The following LRRIQ3 variants were observed in gnomAD, a reference collection of about 807,000 sequenced individuals.
LRRIQ3 encodes leucine-rich repeat and IQ domain-containing protein 3.
Under a neutral mutation model 59.3 loss-of-function variants are expected in LRRIQ3, and 75 were observed. The observed-to-expected ratio is 1.26, with a 90% CI of 1.05 to 1.53. The LOEUF is 1.53. Among genes scored for constraint, LRRIQ3 ranks in the 40% most tolerant of loss-of-function variants. LRRIQ3 has a pLI of 0.00. For synonymous variants in LRRIQ3, 250 were observed against 231.3 expected (o/e 1.08, Z -0.73); for missense variants, 831 against 710.0 (o/e 1.17, Z -1.94).
chr1:74,112,067 T>C (rs913557336), intron 4 of LRRIQ3, among the ~76,000 whole-genome samples: 3 of 152,056 alleles, frequency 2.0e-5, no homozygotes, highest in Non-Finnish European at 2.9e-5. Context: ...ACTTGTAAGA[T>C]AGCGATTCTG....
intron 3 of LRRIQ3, among the ~76,000 whole-genome samples, chr1:74,158,628 G>A (rs144754495): frequency 8.1e-4 from 123 of 152,060 alleles, no homozygotes; most frequent in African/African-American, 2.8e-3. Context: ...TGTCACTCTC[G>A]ACAATGTTGA....
At chr1:74,123,399 A>G (rs1345866878) in intron 4 of LRRIQ3, among the ~76,000 whole-genome samples, 1 of 151,976 alleles carries the variant, frequency 6.6e-6, no homozygotes, top group Admixed American at 6.6e-5. Context: ...GATCTTATTC[A>G]TTACATCTAA....
intron 4 of LRRIQ3, among the ~76,000 whole-genome samples, chr1:74,135,571 T>C (rs1178272365): frequency 6.6e-6 from 1 of 151,748 alleles, no homozygotes; most frequent in East Asian, 1.9e-4. Context: ...TAAAATTAAA[T>C]AAGAAATCAA....
intron 4 of LRRIQ3, among the ~76,000 whole-genome samples, chr1:74,123,900 G>T (rs1284805623): frequency 2.0e-5 from 3 of 151,924 alleles, no homozygotes; most frequent in Admixed American, 6.6e-5. Flanking sequence ...CATAGTGGTT[G>T]TCCTAATCTA....
At chr1:74,131,260 G>T in intron 4 of LRRIQ3, among the ~76,000 whole-genome samples, 1 of 152,084 alleles carries the variant, frequency 6.6e-6, no homozygotes, top group East Asian at 1.9e-4. Context: ...AAAAGTCCAG[G>T]ACCAGACAGA....
intron 4 of LRRIQ3, among the ~76,000 whole-genome samples, chr1:74,133,385 T>C (rs1647060271): frequency 6.6e-6 from 1 of 152,168 alleles, no homozygotes; most frequent in South Asian, 2.1e-4. Context: ...GGATTATAAA[T>C]CATGCTGCTA....
rs75172297 is a variant in LRRIQ3 at position 74,190,137 on chromosome 1, T to C, written c.1-6453A>G. ...ATAGGGTAAACTGCTGACCACAAAA[T>C]TGGAGCAACAGACAGGCAGTACAGA... On this transcript the variant is annotated intron_variant, in intron 1 of 7. Transcript: ENST00000354431. 7.2e-3 allele frequency among the ~76,000 whole-genome samples: 1,093 copies of C among 151,942 alleles called. 14 individuals are homozygous for C. Among genetic ancestry groups the C allele is most frequent in the African/African-American group, 0.025 (1,041 of 41,412 alleles).
In LRRIQ3 at chr1:74,154,279, A is replaced by AG. The variant is rs1648187710; in HGVS notation, c.707+1453_707+1454insC. 8.7e-4 allele frequency among the ~76,000 whole-genome samples: 115 copies of AG among 132,480 alleles called. 4 individuals carry two copies. Among genetic ancestry groups the AG allele is most frequent in the African/African-American group, 3.1e-3 (107 of 34,734 alleles). 86.9% of individuals were successfully genotyped at this position (132,480 alleles called of 152,430 possible). A position where few individuals can be genotyped will look rare whatever the true frequency, so the allele number is the denominator to read the frequency against. On this transcript the variant is annotated intron_variant, in intron 4 of 7. Coordinates refer to ENST00000354431, the MANE Select transcript of LRRIQ3 (RefSeq NM_001105659.2). ...AAAAAAAAAAAAAAAAAAAAAAAAA[A>AG]TGTAATATCTACTTTTGTCAGGTGC...
intron 3 of LRRIQ3, among the ~76,000 whole-genome samples, chr1:74,174,831 T>G (rs1365509853): frequency 6.6e-6 from 1 of 152,198 alleles, no homozygotes; most frequent in East Asian, 1.9e-4. Flanking sequence ...TCACTAAGAT[T>G]CTTTCAGAAT....
intron 5 of LRRIQ3, among the ~76,000 whole-genome samples, chr1:74,106,342 G>C (rs1349491802): frequency 6.6e-6 from 1 of 151,916 alleles, no homozygotes. Context: ...GCACAAGGAA[G>C]CTTCCGATGT....
At chr1:74,110,783 A>C in intron 4 of LRRIQ3, among the ~76,000 whole-genome samples, 1 of 152,030 alleles carries the variant, frequency 6.6e-6, no homozygotes, top group East Asian at 1.9e-4. Flanking sequence ...AGTTAAGGTA[A>C]AATATACTAA....
chr1:74,172,964 G>GTT (rs1649418633), intron 3 of LRRIQ3, among the ~76,000 whole-genome samples: 2 of 151,932 alleles, frequency 1.3e-5, no homozygotes, highest in African/African-American at 4.8e-5. Context: ...TAAATCCAAG[G>GTT]AAAATCTCTT....
intron 5 of LRRIQ3, among the ~76,000 whole-genome samples, chr1:74,105,438 G>A (rs963516494): frequency 2.6e-5 from 4 of 151,802 alleles, no homozygotes; most frequent in Admixed American, 6.6e-5. Flanking sequence ...TTTTAGTAGA[G>A]ATGGGGGTCT....
At chr1:74,186,738 C>A (rs1389518324) in intron 1 of LRRIQ3, among the ~76,000 whole-genome samples, 1 of 151,594 alleles carries the variant, frequency 6.6e-6, no homozygotes, top group East Asian at 1.9e-4. Context: ...AATTCAATGC[C>A]TTTTTTTTCC....
intron 4 of LRRIQ3, among the ~76,000 whole-genome samples, chr1:74,136,101 T>C (rs1446721369): frequency 6.6e-6 from 1 of 151,722 alleles, no homozygotes; most frequent in East Asian, 1.9e-4. Flanking sequence ...ATATGAGAAA[T>C]AGTATTATGC....
At chr1:74,176,567 C>T (rs1405328005) in intron 3 of LRRIQ3, among the ~76,000 whole-genome samples, 6 of 152,102 alleles carry the variant, frequency 3.9e-5, no homozygotes, top group South Asian at 2.1e-4. Flanking sequence ...TCTGTTTTCT[C>T]GAGACTCTGA....
intron 6 of LRRIQ3, among the ~76,000 whole-genome samples, chr1:74,046,661 A>G (rs1393740202): frequency 1.3e-5 from 2 of 152,202 alleles, no homozygotes; most frequent in Non-Finnish European, 2.9e-5. Context: ...GTGAACAGGC[A>G]ACCTATAGAA....
At chr1:74,127,326 G>T (rs1436917296) in intron 4 of LRRIQ3, among the ~76,000 whole-genome samples, 1 of 151,830 alleles carries the variant, frequency 6.6e-6, no homozygotes, top group Non-Finnish European at 1.5e-5. Context: ...GATTGGAGAG[G>T]TTAGTCTATT....
intron 5 of LRRIQ3, among the ~76,000 whole-genome samples, chr1:74,089,033 A>G (rs1258729066): frequency 4.6e-5 from 7 of 152,094 alleles, no homozygotes; most frequent in Admixed American, 2.6e-4. Flanking sequence ...TAGAAGATAT[A>G]TAAAGGGACA....
Sources: gnomAD v4.1 joint callset for allele counts (sites outside exome capture counted in the v4.1 genomes callset) on GRCh38, gnomAD v4.1.1 for gene constraint, MANE v1.5 for transcripts, NCBI Gene and HGNC (gene_info 2026-07-23, HGNC 2026-07-21) for gene names.